The following ZNF469 variants were observed in gnomAD, a reference collection of about 807,000 sequenced individuals.
ZNF469 encodes zinc finger protein 469.
Under a neutral mutation model 1.0 loss-of-function variants are expected in ZNF469, and 1 was observed. The ratio of observed to expected loss-of-function variants is 1.00; its 90% CI spans 0.35 to 4.73. ZNF469 has a LOEUF of 4.73. Ranked by LOEUF, ZNF469 falls within the 30% of genes most tolerant of loss-of-function variation. The pLI is 0.16. For missense variants in ZNF469, 6,100 were observed against 5,356.3 expected (o/e 1.14, Z -4.33); for synonymous variants, 2,703 against 2,363.4 (o/e 1.14, Z -4.17).
the ZNF469 span, among the ~76,000 whole-genome samples, chr16:88,295,775 T>G: frequency 6.6e-6 from 1 of 152,136 alleles, no homozygotes; most frequent in African/African-American, 2.4e-5. Context: ...TTCTAGAAGA[T>G]CCCTCTCTCT....
chr16:88,439,656 C>A lies in ZNF469; in HGVS notation c.*324C>A. 1 of 366,634 alleles carries A rather than the reference C, an allele frequency of 2.7e-6. No homozygotes were observed. Among genetic ancestry groups the A allele is most frequent in the Non-Finnish European group, 5.1e-6 (1 of 197,376 alleles). The allele number at this position is 366,634 out of a possible 1,614,324, so 22.7% of individuals were successfully genotyped here. ...CCACACCCCTGCGCCCTGTGGGCAC[C>A]GACACCACAGAAGCCAATGTTTGGA... On this transcript the variant is annotated 3_prime_UTR_variant, in exon 3 of 3. Transcript: ENST00000565624.
the ZNF469 span, among the ~76,000 whole-genome samples, chr16:88,357,897 A>G: frequency 9.2e-5 from 14 of 152,346 alleles, no homozygotes; most frequent in African/African-American, 3.4e-4. Context: ...GGGAGGACGG[A>G]GCGGAAACAA....
intron 2 of ZNF469, among the ~76,000 whole-genome samples, chr16:88,426,460 C>G (rs747870157): frequency 6.6e-6 from 1 of 152,268 alleles, no homozygotes; most frequent in African/African-American, 2.4e-5. Context: ...AGGACAGTCC[C>G]GTATGTCATG....
the ZNF469 span, among the ~76,000 whole-genome samples, chr16:88,305,307 C>G: frequency 2.9e-5 from 3 of 101,796 alleles, no homozygotes; most frequent in African/African-American, 5.6e-5. Flanking sequence ...CACACCCTCA[C>G]ATGCACACAC....
At chr16:88,236,675 T>C in the ZNF469 span, among the ~76,000 whole-genome samples, 3 of 152,216 alleles carry the variant, frequency 2.0e-5, no homozygotes, top group Non-Finnish European at 4.4e-5. Context: ...AAGACCAGCC[T>C]GGCCAACATG....
At position 88,424,683 on chromosome 16, in the gene ZNF469, G is replaced by A. The variant is rs562188948; in HGVS notation, c.-191-124G>A. On this transcript the variant is annotated intron_variant, in intron 1 of 2. Transcript: ENST00000565624. The surrounding 1 kb of genome is among the most constrained non-coding windows in gnomAD (Gnocchi z 4.3). The stretch of plus-strand genomic sequence containing the variant: ...TCCCGGTGGCTCTTGGTGGCTTCCC[G>A]GTGCCCTGAGGCCACAGCCGGCTCT... Among the ~76,000 whole-genome samples, 114 of 152,126 alleles carry A rather than the reference G, an allele frequency of 7.5e-4. 1 individual carries two copies. The highest frequency in any genetic ancestry group is 3.4e-3 in the Middle Eastern group (1 of 294).
At chr16:88,242,627 C>T in the ZNF469 span, among the ~76,000 whole-genome samples, 1 of 152,246 alleles carries the variant, frequency 6.6e-6, no homozygotes, top group Non-Finnish European at 1.5e-5. Flanking sequence ...CTAGTTCAGC[C>T]CAGAGCAGAT....
the ZNF469 span, among the ~76,000 whole-genome samples, chr16:88,233,435 G>A: frequency 0.018 from 2,705 of 152,312 alleles, 114 homozygotes; most frequent in East Asian, 0.16. Flanking sequence ...CCTGGCCTGG[G>A]CCGTGGGCTC....
chr16:88,245,784 T>C, the ZNF469 span, among the ~76,000 whole-genome samples: 40 of 152,378 alleles, frequency 2.6e-4, no homozygotes, highest in African/African-American at 9.6e-4. Flanking sequence ...CTGGGAACTC[T>C]CCATGCAGCC....
chr16:88,365,084 C>A, the ZNF469 span, among the ~76,000 whole-genome samples: 1 of 152,176 alleles, frequency 6.6e-6, no homozygotes, highest in African/African-American at 2.4e-5. Flanking sequence ...ATTTGATTTT[C>A]CGATTGCATG....
chr16:88,182,191 T>G, the ZNF469 span, among the ~76,000 whole-genome samples: 1 of 152,106 alleles, frequency 6.6e-6, no homozygotes. Context: ...TTTGTTTACT[T>G]AAAACTATAA....
chr16:88,104,417 C>T, the ZNF469 span, among the ~76,000 whole-genome samples: 299 of 152,118 alleles, frequency 2.0e-3, no homozygotes, highest in Non-Finnish European at 3.5e-3. Context: ...AGCCTCTCGC[C>T]GGCCCCTTGC....
chr16:88,217,802 T>C, the ZNF469 span, among the ~76,000 whole-genome samples: 1 of 65,316 alleles, frequency 1.5e-5, no homozygotes, highest in East Asian at 4.4e-4. Flanking sequence ...TAGTATTCCA[T>C]GGTGTATATG....
intron 1 of ZNF469, among the ~76,000 whole-genome samples, chr16:88,390,848 G>A (rs1467978188): frequency 1.3e-5 from 2 of 151,840 alleles, no homozygotes; most frequent in Admixed American, 1.3e-4. Context: ...CATGCCAGAT[G>A]GGAGAGGACA....
chr16:88,375,486 C>G, the ZNF469 span, among the ~76,000 whole-genome samples: 1 of 152,234 alleles, frequency 6.6e-6, no homozygotes, highest in African/African-American at 2.4e-5. Context: ...GCACAGAGTC[C>G]CACCAGGGAC....
At chr16:88,368,422 C>A in the ZNF469 span, among the ~76,000 whole-genome samples, 1 of 152,238 alleles carries the variant, frequency 6.6e-6, no homozygotes, top group Non-Finnish European at 1.5e-5. Context: ...AGGTGGGGGG[C>A]TCCATCCTTT....
the ZNF469 span, among the ~76,000 whole-genome samples, chr16:88,352,930 G>T: frequency 2.0e-5 from 3 of 152,176 alleles, no homozygotes; most frequent in African/African-American, 4.8e-5. Flanking sequence ...GGCCTGGGAG[G>T]TGGGGGCAGA....
chr16:88,162,554 T>C, the ZNF469 span, among the ~76,000 whole-genome samples: 7 of 152,208 alleles, frequency 4.6e-5, no homozygotes, highest in African/African-American at 1.7e-4. Context: ...TTATTTTTGA[T>C]AATAGATTTT....
At chr16:88,346,748 T>C in the ZNF469 span, among the ~76,000 whole-genome samples, 1 of 152,178 alleles carries the variant, frequency 6.6e-6, no homozygotes, top group African/African-American at 2.4e-5. Flanking sequence ...TTCCTTCCTT[T>C]AAGAGGAAGT....
Sources: allele counts gnomAD v4.1 joint callset (sites outside exome capture counted in the v4.1 genomes callset), GRCh38; gene constraint gnomAD v4.1.1; non-coding constraint Gnocchi (gnomAD v3.1); transcripts MANE v1.5; gene names NCBI Gene and HGNC (gene_info 2026-07-23, HGNC 2026-07-21).